The following LRCH3 variants were observed in gnomAD, a reference collection of about 807,000 sequenced individuals.
LRCH3 encodes the protein DISP complex protein LRCH3.
Under a neutral mutation model 104.5 loss-of-function variants are expected in LRCH3, and 68 were observed. The observed-to-expected ratio is 0.65, with a 90% confidence interval of 0.54 to 0.80. LRCH3 has a LOEUF of 0.80. LRCH3 is among the 30% of genes least tolerant of loss of function. The pLI, the probability that LRCH3 is intolerant of heterozygous loss-of-function variation, is 0.00. For synonymous variants in LRCH3, 344 were observed against 361.3 expected (o/e 0.95, Z 0.54); for missense variants, 951 against 953.9 (o/e 1.00, Z 0.04).
At chr3:197,794,528 T>C (rs2109086055) in intron 1 of LRCH3, among the ~76,000 whole-genome samples, 1 of 152,376 alleles carries the variant, frequency 6.6e-6, no homozygotes, top group Admixed American at 6.5e-5. Flanking sequence ...ATTAGTTGAA[T>C]GCTAATATAT....
At chr3:197,807,086 A>C (rs2109141064) in intron 1 of LRCH3, among the ~76,000 whole-genome samples, 1 of 152,030 alleles carries the variant, frequency 6.6e-6, no homozygotes, top group Non-Finnish European at 1.5e-5. Context: ...AAGAGTTAAA[A>C]GTGATTGCTT....
At chr3:197,799,210 C>T (rs1485791772) in intron 1 of LRCH3, among the ~76,000 whole-genome samples, 2 of 152,184 alleles carry the variant, frequency 1.3e-5, no homozygotes, top group African/African-American at 4.8e-5. Context: ...AACGTTACTT[C>T]ATGTTAGAAC....
At chr3:197,837,655 G>A (rs1428494197) in intron 9 of LRCH3, among the ~76,000 whole-genome samples, 1 of 151,676 alleles carries the variant, frequency 6.6e-6, no homozygotes, top group Admixed American at 6.6e-5. Context: ...GTCTGAACAT[G>A]GTATGATTTT....
In LRCH3 at chr3:197,791,529, C is replaced by G. The variant is rs1353249196; in HGVS notation, c.251C>G (p.Thr84Ser). 2 of 1,587,218 alleles carry G rather than the reference C, an allele frequency of 1.3e-6. No homozygotes were observed. Among genetic ancestry groups the G allele is most frequent in the African/African-American group, 1.4e-5 (1 of 72,350 alleles). ...GCGGCCAACCACGACCTGACGGACA[C>G]CACCCGGGCGGGTGAGCGGGGCGGG... ...RGAANHDLTD[T>S]TRADLSRNRL... Residue 84 changes from threonine (T) to serine (S), a missense_variant, in exon 1 of 21, where the codon ACC becomes AGC. Thr to Ser is a moderately conservative substitution (Grantham distance 58). Transcript: ENST00000425562.
At chr3:197,844,353 A>G (rs1738276128) in intron 10 of LRCH3, among the ~76,000 whole-genome samples, 1 of 152,132 alleles carries the variant, frequency 6.6e-6, no homozygotes, top group Admixed American at 6.6e-5. Flanking sequence ...GGTCATGGGG[A>G]TAGGAGAAAG....
chr3:197,880,006 C>A (rs111697883), intron 20 of LRCH3, among the ~76,000 whole-genome samples: 3 of 148,830 alleles, frequency 2.0e-5, no homozygotes, highest in Non-Finnish European at 3.0e-5. Flanking sequence ...AGTGCGGTGG[C>A]GCGATCTCGG....
chr3:197,866,424 CTAAAAGCAGGTTA>C (rs904203382), intron 17 of LRCH3, among the ~76,000 whole-genome samples: 10 of 152,298 alleles, frequency 6.6e-5, no homozygotes, highest in African/African-American at 2.4e-4. Context: ...TTAGTGCCAC[CTAAAAGCAGGTTA>C]TAGAGTGTTT....
At position 197,883,147 on chromosome 3, in the gene LRCH3, T is replaced by C. The variant is rs893620975; in HGVS notation, c.2209-394T>C. 2 of 989,076 alleles carry C rather than the reference T, an allele frequency of 2.0e-6. No homozygotes were observed. Among genetic ancestry groups the C allele is most frequent in the Non-Finnish European group, 2.4e-6 (2 of 832,524 alleles). 61.3% of individuals were successfully genotyped at this position (989,076 alleles called of 1,614,324 possible). A position where few individuals can be genotyped will look rare whatever the true frequency, so the allele number is the denominator to read the frequency against. The stretch of plus-strand genomic sequence containing the variant: ...CCTCAAGTGTAGTATCTTTTACTCT[T>C]GAGCCATCTGGTAGCGTGGAATTGT... On this transcript the variant is annotated intron_variant, in intron 20 of 20. Coordinates refer to ENST00000425562, the MANE Select transcript of LRCH3 (RefSeq NM_001365715.1). This position sits in a 1 kb window ranked among gnomAD's most constrained non-coding sequence, Gnocchi z 4.2.
intron 10 of LRCH3, among the ~76,000 whole-genome samples, chr3:197,844,101 G>A (rs531301611): frequency 2.6e-5 from 4 of 152,308 alleles, no homozygotes; most frequent in East Asian, 1.9e-4. Flanking sequence ...GGGGTGAAAC[G>A]TTCTAGGTAG....
intron 19 of LRCH3, among the ~76,000 whole-genome samples, chr3:197,872,364 A>G (rs1262589250): frequency 2.6e-5 from 3 of 115,186 alleles, no homozygotes; most frequent in African/African-American, 1.1e-4. Context: ...CTCAAAGAAA[A>G]AAAAAAAAAA....
chr3:197,825,354 T>C (rs1735029716), intron 4 of LRCH3, among the ~76,000 whole-genome samples: 3 of 143,978 alleles, frequency 2.1e-5, no homozygotes, highest in Admixed American at 1.4e-4. Flanking sequence ...GGAAATTGTT[T>C]TATATCTTTT....
intron 9 of LRCH3, 73 bp downstream of exon 9, chr3:197,835,895 G>C (rs1302326094): frequency 2.0e-6 from 3 of 1,479,378 alleles, no homozygotes; most frequent in East Asian, 4.6e-5. Flanking sequence ...ATAAAGTTTT[G>C]TTATATCAGT....
chr3:197,837,569 A>C (rs932157311), intron 9 of LRCH3, among the ~76,000 whole-genome samples: 5 of 152,196 alleles, frequency 3.3e-5, no homozygotes, highest in African/African-American at 1.2e-4. Context: ...GTTAAAAACT[A>C]ACCTATGTGA....
At chr3:197,818,160 T>C (rs1310820738) in intron 3 of LRCH3, among the ~76,000 whole-genome samples, 1 of 152,132 alleles carries the variant, frequency 6.6e-6, no homozygotes. Flanking sequence ...ATTGAACTCC[T>C]TCACCAAATC....
intron 15 of LRCH3, among the ~76,000 whole-genome samples, chr3:197,862,195 C>T (rs988638991): frequency 6.6e-6 from 1 of 152,124 alleles, no homozygotes; most frequent in South Asian, 2.1e-4. Context: ...GGGATTTTAC[C>T]GTGTTGGCCA....
chr3:197,792,077 G>A (rs1006654357), intron 1 of LRCH3, among the ~76,000 whole-genome samples: 1 of 151,994 alleles, frequency 6.6e-6, no homozygotes, highest in East Asian at 1.9e-4. Flanking sequence ...GAACCCGAGA[G>A]AAGTGTTGGG....
intron 1 of LRCH3, among the ~76,000 whole-genome samples, chr3:197,797,431 G>A (rs757159738): frequency 2.6e-5 from 4 of 151,880 alleles, no homozygotes; most frequent in African/African-American, 4.8e-5. Context: ...GAGGAAGGAC[G>A]TAGAGAATGG....
chr3:197,813,108 C>A (rs946048105), intron 1 of LRCH3, among the ~76,000 whole-genome samples: 2 of 152,004 alleles, frequency 1.3e-5, no homozygotes, highest in East Asian at 3.9e-4. Context: ...TCTTTGAGTA[C>A]GTAGTGGCTG....
chr3:197,822,150 T>C (rs571833303), intron 4 of LRCH3, among the ~76,000 whole-genome samples: 4 of 152,388 alleles, frequency 2.6e-5, no homozygotes, highest in African/African-American at 9.6e-5. Context: ...ATATACTTAC[T>C]GCAACCAAAA....
Sources: gnomAD v4.1 joint callset for allele counts (sites outside exome capture counted in the v4.1 genomes callset) on GRCh38, gnomAD v4.1.1 for gene constraint, Gnocchi (gnomAD v3.1) non-coding constraint, MANE v1.5 for transcripts, NCBI Gene and HGNC (gene_info 2026-07-23, HGNC 2026-07-21) for gene names.